Variants in PPP1R16B observed in about 807,000 individuals in gnomAD.
PPP1R16B encodes the protein protein phosphatase 1 regulatory subunit 16B, also known as protein phosphatase 1 regulatory inhibitor subunit 16B.
Under a neutral mutation model 61.7 loss-of-function variants are expected in PPP1R16B, and 14 were observed. The ratio of observed to expected loss-of-function variants is 0.23; its 90% CI spans 0.15 to 0.35. The LOEUF is 0.35. PPP1R16B is among the 10% of genes least tolerant of loss of function. The pLI is 1.00. For synonymous variants in PPP1R16B, 266 were observed against 305.3 expected, an observed-to-expected ratio of 0.87 and a Z score of 1.34; for missense variants, 547 against 752.5, an observed-to-expected ratio of 0.73 and a Z score of 3.19.
chr20:38,809,394 C>G (rs1183520165), intron 1 of PPP1R16B, among the ~76,000 whole-genome samples: 2 of 152,166 alleles, frequency 1.3e-5, no homozygotes, highest in East Asian at 3.9e-4. Flanking sequence ...TCCATCCCAG[C>G]CCTTGTGCTT....
intron 1 of PPP1R16B, among the ~76,000 whole-genome samples, chr20:38,835,342 C>T (rs1380107567): frequency 6.6e-6 from 1 of 152,154 alleles, no homozygotes; most frequent in East Asian, 1.9e-4. Context: ...CCTGACCCTC[C>T]CTGCACCCCT....
At chr20:38,834,385 T>A (rs1420571432) in intron 1 of PPP1R16B, among the ~76,000 whole-genome samples, 1 of 152,164 alleles carries the variant, frequency 6.6e-6, no homozygotes, top group Non-Finnish European at 1.5e-5. Context: ...AGGAACAGGC[T>A]TAGAGAGGAT....
rs913620788 is a variant in PPP1R16B at position 38,918,820 on chromosome 20, A to T, written c.*154A>T. 1.2e-4 allele frequency: 105 copies of T among 897,032 alleles called. No individual in the cohort carries two copies. The highest frequency in any genetic ancestry group is 1.3e-4 in the Non-Finnish European group (84 of 652,132). 55.6% of individuals were successfully genotyped at this position (897,032 alleles called of 1,614,324 possible). Reference sequence around the variant, plus strand: ...GACCCCAGCCCTCAGCTGGCTGCCCATAGCATCCCATGTCCCACGTCCCGT... The same window carrying T: ...GACCCCAGCCCTCAGCTGGCTGCCCTTAGCATCCCATGTCCCACGTCCCGT... On this transcript the variant is annotated 3_prime_UTR_variant, in exon 11 of 11. Coordinates refer to ENST00000299824, the MANE Select transcript of PPP1R16B (RefSeq NM_015568.4). This position sits in a 1 kb window ranked among gnomAD's most constrained non-coding sequence, Gnocchi z 5.3.
At chr20:38,867,856 A>G (rs2085100695) in intron 2 of PPP1R16B, among the ~76,000 whole-genome samples, 1 of 152,128 alleles carries the variant, frequency 6.6e-6, no homozygotes, top group Non-Finnish European at 1.5e-5. Flanking sequence ...TATTTTTAGT[A>G]GAGACGGGGT....
At chr20:38,869,444 C>A (rs1201467121) in intron 2 of PPP1R16B, among the ~76,000 whole-genome samples, 4 of 152,160 alleles carry the variant, frequency 2.6e-5, no homozygotes, top group African/African-American at 9.7e-5. Flanking sequence ...CAGGCGTGAG[C>A]CACCGCGCCT....
chr20:38,894,153 A>G (rs1385769344), intron 3 of PPP1R16B, among the ~76,000 whole-genome samples: 1 of 130,322 alleles, frequency 7.7e-6, no homozygotes, highest in Non-Finnish European at 1.6e-5. Context: ...CGGCTGGCGC[A>G]GAAAGAACCT....
At chr20:38,869,576 T>A (rs1406748559) in intron 2 of PPP1R16B, among the ~76,000 whole-genome samples, 3 of 152,204 alleles carry the variant, frequency 2.0e-5, no homozygotes, top group Non-Finnish European at 2.9e-5. Context: ...TCAACACTTG[T>A]TATTGTCTGT....
rs559352687 is a variant in PPP1R16B, at chr20:38,840,973, A to T, written c.250+4798A>T. On this transcript the variant is annotated intron_variant, in intron 2 of 10. Coordinates refer to ENST00000299824, the MANE Select transcript of PPP1R16B (RefSeq NM_015568.4). Reference sequence around the variant, plus strand: ...ATTCTACACTATTCTACATTTACGTAATCTATTATTACAGCATATTCTGAT... The same window carrying T: ...ATTCTACACTATTCTACATTTACGTTATCTATTATTACAGCATATTCTGAT... 3.9e-5 allele frequency among the ~76,000 whole-genome samples: 6 copies of T among 152,312 alleles called. No homozygotes were observed. The East Asian group carries it at 1.2e-3, about 29-fold the overall frequency.
At chr20:38,836,580 A>T (rs1356521177) in intron 2 of PPP1R16B, among the ~76,000 whole-genome samples, 1 of 152,208 alleles carries the variant, frequency 6.6e-6, no homozygotes, top group African/African-American at 2.4e-5. Context: ...CTGGTCTCGA[A>T]TTCCTGAGCT....
chr20:38,920,716 T>C lies in PPP1R16B; in HGVS notation c.*2050T>C, dbSNP rs1001127794. On this transcript the variant is annotated 3_prime_UTR_variant, in exon 11 of 11. Transcript: ENST00000299824. Reference sequence around the variant, plus strand: ...ACCTCCACCCCAATGCCAGGATAGATGTATTCTAGAGTAGGGGTGGAGGCG... The same window carrying C: ...ACCTCCACCCCAATGCCAGGATAGACGTATTCTAGAGTAGGGGTGGAGGCG... The C allele has an allele frequency of 6.6e-6, 1 of 152,440 alleles. No homozygotes were observed. 9.4% of individuals were successfully genotyped at this position (152,440 alleles called of 1,614,324 possible).
Position 38,918,629 on chromosome 20 carries a change from T to C in PPP1R16B, c.1667T>C (p.Met556Thr). Residue 556 changes from methionine to threonine, a missense_variant, in exon 11 of 11, where the codon ATG (methionine) becomes ACG (threonine). Met to Thr is a moderately conservative substitution (Grantham distance 81). Coordinates refer to ENST00000299824, the MANE Select transcript of PPP1R16B (RefSeq NM_015568.4). This position sits in a 1 kb window ranked among gnomAD's most constrained non-coding sequence, Gnocchi z 5.3. ...AAGTTCAAGGCCCCCATAGAGGAGATGGAGGAGAAGGTGCATGGCTGTTGC... is the reference window on the plus strand; with the variant it reads ...AAGTTCAAGGCCCCCATAGAGGAGACGGAGGAGAAGGTGCATGGCTGTTGC... ...LLKFKAPIEE[M>T]EEKVHGCCRI... The C allele has an allele frequency of 2.6e-6, 4 of 1,518,738 alleles. No homozygotes were observed. The highest frequency in any genetic ancestry group is 3.5e-6 in the Non-Finnish European group (4 of 1,134,504). 94.1% of individuals were successfully genotyped at this position (1,518,738 alleles called of 1,614,324 possible). A position where few individuals can be genotyped will look rare whatever the true frequency, so the allele number is the denominator to read the frequency against.
intron 3 of PPP1R16B, among the ~76,000 whole-genome samples, chr20:38,890,632 ACG>A (rs1361930778): frequency 6.6e-6 from 1 of 152,184 alleles, no homozygotes; most frequent in Non-Finnish European, 1.5e-5. Context: ...CCCTACTCAG[ACG>A]CTGAGCTGCC....
At chr20:38,829,956 A>T (rs2084827084) in intron 1 of PPP1R16B, among the ~76,000 whole-genome samples, 1 of 152,250 alleles carries the variant, frequency 6.6e-6, no homozygotes, top group African/African-American at 2.4e-5. Context: ...CAGAGAAAAT[A>T]TGCCTCTGGC....
intron 10 of PPP1R16B, among the ~76,000 whole-genome samples, chr20:38,911,558 A>G (rs904648369): frequency 2.7e-5 from 4 of 149,028 alleles, no homozygotes; most frequent in African/African-American, 9.9e-5. Flanking sequence ...TTAAATTGAG[A>G]CAGAGTCTCG....
intron 1 of PPP1R16B, among the ~76,000 whole-genome samples, chr20:38,832,991 A>G (rs952515420): frequency 1.2e-4 from 18 of 152,220 alleles, no homozygotes; most frequent in Admixed American, 3.3e-4. Flanking sequence ...CTCCTGAGAA[A>G]CAAAAACTTA....
intron 3 of PPP1R16B, among the ~76,000 whole-genome samples, chr20:38,891,939 G>A (rs1364782843): frequency 2.0e-5 from 3 of 152,192 alleles, no homozygotes; most frequent in South Asian, 2.1e-4. Flanking sequence ...CCAGCCACAC[G>A]CGGATCCACA....
intron 2 of PPP1R16B, among the ~76,000 whole-genome samples, chr20:38,850,732 C>T (rs1375662220): frequency 1.3e-5 from 2 of 152,170 alleles, no homozygotes; most frequent in Non-Finnish European, 2.9e-5. Flanking sequence ...TTTGGGAGGC[C>T]GAGGTGGGCA....
intron 2 of PPP1R16B, among the ~76,000 whole-genome samples, chr20:38,861,173 C>T (rs2085047620): frequency 6.6e-6 from 1 of 152,162 alleles, no homozygotes; most frequent in Non-Finnish European, 1.5e-5. Flanking sequence ...GCTGTGTGAC[C>T]CTGAGGAAAG....
rs927157159 is a variant in PPP1R16B at position 38,919,490 on chromosome 20, G to T, written c.*824G>T. The T allele has an allele frequency of 1.3e-5, 2 of 152,184 alleles. No individual in the cohort carries two copies. Among genetic ancestry groups the T allele is most frequent in the South Asian group, 4.1e-4 (2 of 4,832 alleles). The allele number at this position is 152,184 out of a possible 1,614,324, so 9.4% of individuals were successfully genotyped here. A position where few individuals can be genotyped will look rare whatever the true frequency, so the allele number is the denominator to read the frequency against. Reference sequence around the variant, plus strand: ...CAAAGGCAGAAGGGTGTGGGAGGGGGACAAGGTCAGTATTTACCAAAGTGT... The same window carrying T: ...CAAAGGCAGAAGGGTGTGGGAGGGGTACAAGGTCAGTATTTACCAAAGTGT... On this transcript the variant is annotated 3_prime_UTR_variant, in exon 11 of 11. Transcript: ENST00000299824.
Sources: gnomAD v4.1 joint callset for allele counts (sites outside exome capture counted in the v4.1 genomes callset) on GRCh38, gnomAD v4.1.1 for gene constraint, Gnocchi (gnomAD v3.1) non-coding constraint, MANE v1.5 for transcripts, NCBI Gene and HGNC (gene_info 2026-07-23, HGNC 2026-07-21) for gene names.